The following MCC variants were observed in gnomAD, a reference collection of about 807,000 sequenced individuals.
MCC encodes colorectal mutant cancer protein.
MCC carries 90 observed loss-of-function variants against 116.2 expected under a neutral mutation model. The ratio of observed to expected loss-of-function variants is 0.77; its 90% CI spans 0.65 to 0.92. The LOEUF (loss-of-function observed/expected upper bound fraction) is 0.92. Ranked by LOEUF, MCC falls within the 40% of genes least tolerant of loss-of-function variation. The pLI is 0.00. For missense variants in MCC, 1,516 were observed against 1,312.2 expected (o/e 1.16, Z -2.40); for synonymous variants, 578 against 510.5 (o/e 1.13, Z -1.78).
chr5:113,434,164 G>A lies in MCC; in HGVS notation c.171-48952C>T, dbSNP rs562314478. On this transcript the variant is annotated intron_variant, in intron 1 of 18. Transcript: ENST00000408903. The surrounding 1 kb of genome is among the most constrained non-coding windows in gnomAD (Gnocchi z 4.2). ...TTGACGCGGTGCTCCTTCTGGATAC[G>A]CAGCATCTTCTTGATGTTGGAGTCG... 2.1e-5 allele frequency: 34 copies of A among 1,614,158 alleles called. 1 individual carries two copies. Among genetic ancestry groups the A allele is most frequent in the South Asian group, 1.9e-4 (17 of 91,086 alleles).
intron 3 of MCC, among the ~76,000 whole-genome samples, chr5:113,316,839 T>G (rs1767298904): frequency 6.6e-6 from 1 of 152,228 alleles, no homozygotes; most frequent in Admixed American, 6.5e-5. Context: ...TATGTTTGTG[T>G]GTGTGTATGT....
At position 113,331,075 on chromosome 5, in the gene MCC, G is replaced by A. The variant is rs537856789; in HGVS notation, c.627+9444C>T. Among the ~76,000 whole-genome samples, 5 of 152,330 alleles carry A rather than the reference G, an allele frequency of 3.3e-5. No homozygotes were observed. The South Asian group carries it at 6.2e-4, about 19-fold the overall frequency. Reference sequence around the variant, plus strand: ...ACAGATGCCCGGAAGATGCCAGCTGGCAGCAATTCTGCCTCTTCCCTTTGC... The same window carrying A: ...ACAGATGCCCGGAAGATGCCAGCTGACAGCAATTCTGCCTCTTCCCTTTGC... On this transcript the variant is annotated intron_variant, in intron 3 of 18. Transcript: ENST00000408903.
chr5:113,266,265 A>T (rs1413335632), intron 3 of MCC, among the ~76,000 whole-genome samples: 4 of 151,878 alleles, frequency 2.6e-5, no homozygotes, highest in African/African-American at 9.7e-5. Context: ...ACACACACAA[A>T]ACCATTATCA....
chr5:113,416,800 A>G (rs920650849), intron 1 of MCC, among the ~76,000 whole-genome samples: 4 of 152,180 alleles, frequency 2.6e-5, no homozygotes, highest in African/African-American at 9.7e-5. Context: ...AACAGATAAA[A>G]TTGATATCTC....
rs925711657 is a variant in MCC, at chr5:113,026,841, C to G, written c.*461G>C. 6.4e-6 allele frequency: 1 copy of G among 155,522 alleles called. No individual in the cohort carries two copies. The highest frequency in any genetic ancestry group is 2.4e-5 in the African/African-American group (1 of 41,516). The allele number at this position is 155,522 out of a possible 1,614,324, so 9.6% of individuals were successfully genotyped here. A position where few individuals can be genotyped will look rare whatever the true frequency, so the allele number is the denominator to read the frequency against. The stretch of plus-strand genomic sequence containing the variant: ...AACAAATCAGCAGTCCTTTTAAATG[C>G]TGGAGGCACACACAGGTCTGTTTTC... On this transcript the variant is annotated 3_prime_UTR_variant, in exon 19 of 19. Transcript: ENST00000408903.
intron 2 of MCC, among the ~76,000 whole-genome samples, chr5:113,379,116 T>C (rs1361651275): frequency 2.6e-5 from 4 of 152,222 alleles, no homozygotes; most frequent in African/African-American, 9.6e-5. Context: ...CTGAGGACCA[T>C]ATGTCTGTCA....
At chr5:113,129,591 A>C (rs1581121581) in intron 5 of MCC, among the ~76,000 whole-genome samples, 2 of 152,100 alleles carry the variant, frequency 1.3e-5, no homozygotes, top group Admixed American at 1.3e-4. Context: ...GGCTGGGAGG[A>C]AGAGAATATA....
intron 3 of MCC, among the ~76,000 whole-genome samples, chr5:113,293,454 C>G (rs1424811975): frequency 6.6e-6 from 1 of 152,208 alleles, no homozygotes; most frequent in East Asian, 1.9e-4. Context: ...AACCCACAGA[C>G]ACCAAGCCTC....
intron 1 of MCC, among the ~76,000 whole-genome samples, chr5:113,419,813 T>C (rs1175733733): frequency 7.2e-5 from 10 of 139,550 alleles, no homozygotes; most frequent in East Asian, 2.2e-4. Context: ...TAGGTGGGAA[T>C]TGAACAATGA....
intron 13 of MCC, among the ~76,000 whole-genome samples, chr5:113,067,468 T>C (rs899257616): frequency 6.6e-6 from 1 of 152,084 alleles, no homozygotes; most frequent in Non-Finnish European, 1.5e-5. Flanking sequence ...GGTGAAACTG[T>C]CTCCACTAAA....
chr5:113,028,757 T>C (rs1274942422), intron 18 of MCC, among the ~76,000 whole-genome samples, 177 bp downstream of exon 18: 1 of 152,196 alleles, frequency 6.6e-6, no homozygotes, highest in African/African-American at 2.4e-5. Context: ...TCTTGGGAGA[T>C]GCCACTCTAA....
At chr5:113,292,390 C>G (rs1766534162) in intron 3 of MCC, among the ~76,000 whole-genome samples, 2 of 152,066 alleles carry the variant, frequency 1.3e-5, no homozygotes, top group South Asian at 4.2e-4. Context: ...TGAGCAGACA[C>G]CGATGAGAAG....
At chr5:113,367,555 G>A (rs1768727106) in intron 2 of MCC, among the ~76,000 whole-genome samples, 1 of 139,762 alleles carries the variant, frequency 7.2e-6, no homozygotes, top group Non-Finnish European at 1.5e-5. Context: ...AATAGAAATT[G>A]ACATGAGGCC....
intron 5 of MCC, among the ~76,000 whole-genome samples, chr5:113,138,588 C>G (rs751587063): frequency 5.9e-5 from 9 of 152,148 alleles, no homozygotes; most frequent in Non-Finnish European, 1.3e-4. Context: ...TCCCAGCCCC[C>G]AGAACTGTGA....
At chr5:113,263,872 G>A (rs988308444) in intron 3 of MCC, among the ~76,000 whole-genome samples, 39 of 150,772 alleles carry the variant, frequency 2.6e-4, no homozygotes, top group African/African-American at 8.5e-4. Flanking sequence ...ATAACTGAAG[G>A]GAATAAAAAA....
At chr5:113,101,471 G>C (rs1756404424) in intron 8 of MCC, 1 of 466,716 alleles carries the variant, frequency 2.1e-6, no homozygotes, top group Non-Finnish European at 3.8e-6. Context: ...ACCCTGGAAA[G>C]TTTAGAATCA....
intron 14 of MCC, among the ~76,000 whole-genome samples, chr5:113,055,331 A>G (rs76942651): frequency 0.058 from 8,846 of 152,196 alleles, 716 homozygotes; most frequent in African/African-American, 0.18. Flanking sequence ...CTCATCTCAC[A>G]CTGCAAAAGG....
intron 2 of MCC, among the ~76,000 whole-genome samples, chr5:113,378,538 C>T (rs964459190): frequency 3.9e-5 from 6 of 152,100 alleles, no homozygotes; most frequent in East Asian, 3.9e-4. Context: ...TTTACAACTA[C>T]GGAATTTGAT....
chr5:113,392,944 T>A (rs1367162191), intron 1 of MCC, among the ~76,000 whole-genome samples: 20 of 152,134 alleles, frequency 1.3e-4, no homozygotes, highest in Non-Finnish European at 2.5e-4. Context: ...ATCTACAATG[T>A]ATCATCATAA....
Sources: gnomAD v4.1 joint callset for allele counts (sites outside exome capture counted in the v4.1 genomes callset) on GRCh38, gnomAD v4.1.1 for gene constraint, Gnocchi (gnomAD v3.1) non-coding constraint, MANE v1.5 for transcripts, NCBI Gene and HGNC (gene_info 2026-07-23, HGNC 2026-07-21) for gene names.